The following SCTR variants were observed in gnomAD, a reference collection of about 807,000 sequenced individuals.
The protein encoded by SCTR is pancreatic secretin receptor.
SCTR carries 56 observed loss-of-function variants against 60.8 expected under a neutral mutation model. The ratio of observed to expected loss-of-function variants is 0.92; its 90% CI spans 0.74 to 1.15. SCTR has a LOEUF of 1.15. SCTR is among the 50% of genes most tolerant of loss of function. The probability of loss-of-function intolerance (pLI) is 0.00; values close to 1 mark genes in which losing one functional copy is unlikely to be tolerated. For missense variants in SCTR, 562 were observed against 550.4 expected, an observed-to-expected ratio of 1.02 and a Z score of -0.21; for synonymous variants, 202 against 217.0, an observed-to-expected ratio of 0.93 and a Z score of 0.61.
At chr2:119,494,286 C>A in intron 2 of SCTR, 142 bp downstream of exon 2, 2 of 881,216 alleles carry the variant, frequency 2.3e-6, no homozygotes, top group Non-Finnish European at 1.7e-6. Context: ...TCCAGCCCTG[C>A]CCCACCAGCT....
At chr2:119,448,815 A>G (rs749422289) in intron 9 of SCTR, 35 bp from the exon 10 acceptor site, 3 of 1,250,972 alleles carry the variant, frequency 2.4e-6, no homozygotes, top group East Asian at 4.7e-5. Context: ...GGCTGAAGGC[A>G]TCTTGCTTTT....
chr2:119,446,900 A>T lies in SCTR; in HGVS notation c.1014-15T>A. On this transcript the variant is annotated splice_polypyrimidine_tract_variant and intron_variant, in intron 10 of 12. Coordinates refer to ENST00000019103, the MANE Select transcript of SCTR (RefSeq NM_002980.3). ...TGGCCAGGCGCCTGGGGACACAGAA[A>T]GCCTGTAGCCTCCACTCTGCCTCCC... The T allele has an allele frequency of 1.6e-5, 24 of 1,470,850 alleles. No homozygotes were observed. The highest frequency in any genetic ancestry group is 2.2e-5 in the Non-Finnish European group (24 of 1,104,928). 91.1% of individuals were successfully genotyped at this position (1,470,850 alleles called of 1,614,324 possible). A position where few individuals can be genotyped will look rare whatever the true frequency, so the allele number is the denominator to read the frequency against.
intron 2 of SCTR, among the ~76,000 whole-genome samples, chr2:119,482,264 G>A (rs1558864314): frequency 6.6e-6 from 1 of 152,190 alleles, no homozygotes; most frequent in Non-Finnish European, 1.5e-5. Flanking sequence ...CCTAGAGCGG[G>A]GCAGGTGTGG....
chr2:119,474,960 G>C (rs1347442548), intron 3 of SCTR, among the ~76,000 whole-genome samples: 1 of 152,214 alleles, frequency 6.6e-6, no homozygotes, highest in Non-Finnish European at 1.5e-5. Context: ...CAGCCTCTTG[G>C]TCACTGTGTG....
chr2:119,518,440 G>T (rs1679180193), intron 1 of SCTR, among the ~76,000 whole-genome samples: 1 of 151,304 alleles, frequency 6.6e-6, no homozygotes, highest in Non-Finnish European at 1.5e-5. Context: ...GTGGGGTGGG[G>T]CATGGCAGGA....
chr2:119,489,284 C>T (rs766703937), intron 2 of SCTR, among the ~76,000 whole-genome samples: 3 of 152,188 alleles, frequency 2.0e-5, no homozygotes, highest in South Asian at 2.1e-4. Flanking sequence ...GTGTCCTCTG[C>T]GGGGGCCTCA....
chr2:119,512,586 G>A (rs1247636573), intron 1 of SCTR, among the ~76,000 whole-genome samples: 3 of 150,304 alleles, frequency 2.0e-5, no homozygotes, highest in South Asian at 4.2e-4. Context: ...TAGTAGAGAC[G>A]GGGTTTCACC....
intron 1 of SCTR, among the ~76,000 whole-genome samples, chr2:119,521,587 C>G (rs1274523205): frequency 6.6e-6 from 1 of 152,056 alleles, no homozygotes; most frequent in African/African-American, 2.4e-5. Context: ...GAAAACTGCC[C>G]CATTCGGCCA....
intron 9 of SCTR, among the ~76,000 whole-genome samples, chr2:119,451,071 C>T (rs58881612): frequency 0.027 from 4,065 of 152,326 alleles, 182 homozygotes; most frequent in African/African-American, 0.092. Flanking sequence ...TCCTCTCAAC[C>T]AATCCCAAGA....
chr2:119,512,332 TCC>T (rs1197529573), intron 1 of SCTR, among the ~76,000 whole-genome samples: 1 of 79,150 alleles, frequency 1.3e-5, no homozygotes, highest in African/African-American at 5.7e-5. Context: ...CCCTTCCCCT[TCC>T]CCTTCCCCTT....
chr2:119,523,559 A>T (rs577614287), intron 1 of SCTR, among the ~76,000 whole-genome samples: 1 of 151,956 alleles, frequency 6.6e-6, no homozygotes, highest in South Asian at 2.1e-4. Context: ...GGAGAGCGGC[A>T]GGCGGTCCCA....
At chr2:119,476,503 T>G (rs1294840537) in intron 3 of SCTR, 1 of 152,200 alleles carries the variant, frequency 6.6e-6, no homozygotes, top group Non-Finnish European at 1.5e-5. Context: ...TCCAGCTTCC[T>G]GCCGCGGACC....
chr2:119,480,974 T>C (rs1677575103), intron 2 of SCTR, among the ~76,000 whole-genome samples: 1 of 152,192 alleles, frequency 6.6e-6, no homozygotes, highest in Non-Finnish European at 1.5e-5. Flanking sequence ...TGCTTATCTC[T>C]TGTGGGAGGA....
At chr2:119,466,487 C>T (rs1261123187) in intron 4 of SCTR, among the ~76,000 whole-genome samples, 1 of 152,190 alleles carries the variant, frequency 6.6e-6, no homozygotes, top group African/African-American at 2.4e-5. Flanking sequence ...TGCGTTGGCT[C>T]ATGCCTGTAA....
chr2:119,516,506 T>C (rs1679120838), intron 1 of SCTR, among the ~76,000 whole-genome samples: 1 of 151,648 alleles, frequency 6.6e-6, no homozygotes, highest in South Asian at 2.1e-4. Context: ...TGTGGAATAT[T>C]ACAAAGTTGA....
chr2:119,523,403 A>T (rs931088989), intron 1 of SCTR, among the ~76,000 whole-genome samples: 20 of 143,530 alleles, frequency 1.4e-4, no homozygotes, highest in Non-Finnish European at 2.0e-4. Context: ...TATTATTATT[A>T]TTATTATTAT....
At chr2:119,513,319 G>C (rs1679014765) in intron 1 of SCTR, among the ~76,000 whole-genome samples, 1 of 151,794 alleles carries the variant, frequency 6.6e-6, no homozygotes, top group Non-Finnish European at 1.5e-5. Context: ...TTCCTTTACT[G>C]TCATTTTAAA....
At chr2:119,458,914 C>G (rs1186244198) in intron 7 of SCTR, among the ~76,000 whole-genome samples, 1 of 152,190 alleles carries the variant, frequency 6.6e-6, no homozygotes, top group Non-Finnish European at 1.5e-5. Context: ...GTGCCAGCCG[C>G]TCACTCTCAC....
intron 1 of SCTR, among the ~76,000 whole-genome samples, chr2:119,523,123 G>A (rs1223649411): frequency 6.6e-6 from 1 of 152,142 alleles, no homozygotes; most frequent in Non-Finnish European, 1.5e-5. Context: ...GACTTGCCCA[G>A]GACAGAGATC....
Sources: allele counts gnomAD v4.1 joint callset (sites outside exome capture counted in the v4.1 genomes callset), GRCh38; gene constraint gnomAD v4.1.1; transcripts MANE v1.5; gene names NCBI Gene and HGNC (gene_info 2026-07-23, HGNC 2026-07-21).